The following SIK2 variants were observed in gnomAD, a reference collection of about 807,000 sequenced individuals.
SIK2 encodes salt inducible kinase 2, also known as serine/threonine-protein kinase SIK2.
A neutral mutation model predicts 103.2 loss-of-function variants in SIK2; 29 were observed. The ratio of observed to expected loss-of-function variants is 0.28; its 90% CI spans 0.21 to 0.38. The LOEUF (loss-of-function observed/expected upper bound fraction) is 0.38, where lower values mean the gene tolerates loss of function less well. Ranked by LOEUF, SIK2 falls within the 10% of genes least tolerant of loss-of-function variation. The pLI is 1.00. For missense variants in SIK2, 879 were observed against 1,171.0 expected (o/e 0.75, Z 3.64); for synonymous variants, 412 against 446.1 (o/e 0.92, Z 0.96).
At chr11:111,687,600 T>A (rs1942863011) in intron 3 of SIK2, among the ~76,000 whole-genome samples, 2 of 131,756 alleles carry the variant, frequency 1.5e-5, no homozygotes, top group South Asian at 4.7e-4. Context: ...TTATTGTTTT[T>A]TTTAAAAAAA....
At chr11:111,646,448 CTAAATAAA>C (rs899904438) in intron 3 of SIK2, among the ~76,000 whole-genome samples, 2 of 152,100 alleles carry the variant, frequency 1.3e-5, no homozygotes, top group East Asian at 1.9e-4. Context: ...AAACTCCTTT[CTAAATAAA>C]TAAATAAATA....
chr11:111,660,745 A>G (rs890153963), intron 3 of SIK2, among the ~76,000 whole-genome samples: 2 of 151,834 alleles, frequency 1.3e-5, no homozygotes, highest in African/African-American at 2.4e-5. Context: ...TTGCTTGGCC[A>G]CAATGACTGT....
chr11:111,693,812 G>C (rs1237113841), intron 4 of SIK2, among the ~76,000 whole-genome samples: 1 of 152,138 alleles, frequency 6.6e-6, no homozygotes, highest in Non-Finnish European at 1.5e-5. Context: ...TTCAGGAACA[G>C]ATTATAGGGA....
chr11:111,637,456 C>CTTTTTTTT (rs558690499), intron 3 of SIK2, among the ~76,000 whole-genome samples: 18 of 124,706 alleles, frequency 1.4e-4, no homozygotes, highest in African/African-American at 5.6e-4. Context: ...TTTGTAATAT[C>CTTTTTTTT]TTTTTTTTTT....
intron 3 of SIK2, among the ~76,000 whole-genome samples, chr11:111,666,223 T>C (rs1253405582): frequency 6.6e-6 from 1 of 152,232 alleles, no homozygotes; most frequent in African/African-American, 2.4e-5. Context: ...GTAGGGTTTC[T>C]GTTAAATTTT....
chr11:111,655,902 A>G (rs1404006157), intron 3 of SIK2, among the ~76,000 whole-genome samples: 3 of 151,802 alleles, frequency 2.0e-5, no homozygotes, highest in Admixed American at 2.0e-4. Context: ...GATTGAGAAG[A>G]CCAGGTGCAG....
At position 111,724,419 on chromosome 11, in the gene SIK2, T is replaced by G; in HGVS notation, c.*290T>G. On this transcript the variant is annotated 3_prime_UTR_variant, in exon 15 of 15. Transcript: ENST00000304987. The stretch of plus-strand genomic sequence containing the variant: ...AGGGCAGCACTGACAAATGTGTTCC[T>G]AAGAAGACATTCAGACCCAGGTGTT... 2.4e-6 allele frequency: 1 copy of G among 424,970 alleles called. No individual in the cohort carries two copies. The highest frequency in any genetic ancestry group is 4.3e-6 in the Non-Finnish European group (1 of 234,028). 26.3% of individuals were successfully genotyped at this position (424,970 alleles called of 1,614,324 possible). A position where few individuals can be genotyped will look rare whatever the true frequency, so the allele number is the denominator to read the frequency against.
chr11:111,717,395 A>C (rs934784823), intron 9 of SIK2, among the ~76,000 whole-genome samples: 2 of 151,756 alleles, frequency 1.3e-5, no homozygotes, highest in East Asian at 1.9e-4. Context: ...ACAATGAGAT[A>C]CTATCTCATG....
intron 3 of SIK2, among the ~76,000 whole-genome samples, chr11:111,621,622 T>C (rs114827328): frequency 2.6e-3 from 396 of 152,246 alleles, no homozygotes; most frequent in African/African-American, 8.9e-3. Flanking sequence ...GCATATAATA[T>C]AAGAACCTTG....
intron 4 of SIK2, among the ~76,000 whole-genome samples, chr11:111,694,278 T>C (rs188639654): frequency 6.6e-6 from 1 of 152,352 alleles, no homozygotes; most frequent in East Asian, 1.9e-4. Flanking sequence ...ACAAACCTTT[T>C]AGGACCAAGG....
At chr11:111,723,263 G>A (rs1363632352) in intron 14 of SIK2, among the ~76,000 whole-genome samples, 1 of 152,196 alleles carries the variant, frequency 6.6e-6, no homozygotes, top group Admixed American at 6.5e-5. Context: ...CTCGGAGTCA[G>A]AGAAAATGCA....
chr11:111,620,134 A>T (rs1325366766), intron 2 of SIK2, among the ~76,000 whole-genome samples: 1 of 152,234 alleles, frequency 6.6e-6, no homozygotes, highest in Non-Finnish European at 1.5e-5. Flanking sequence ...TGGTCCAAGG[A>T]CCACACTTAG....
intron 3 of SIK2, chr11:111,672,267 A>T: frequency 2.7e-6 from 1 of 375,998 alleles, no homozygotes; most frequent in Non-Finnish European, 4.9e-6. Context: ...CCACCCAGGA[A>T]GCTGCTGCTG....
At chr11:111,700,189 T>C (rs147367171) in intron 4 of SIK2, among the ~76,000 whole-genome samples, 21 of 152,322 alleles carry the variant, frequency 1.4e-4, no homozygotes, top group African/African-American at 4.8e-4. Context: ...ATCAAAACTG[T>C]AGAGTCAGTA....
intron 3 of SIK2, among the ~76,000 whole-genome samples, chr11:111,627,035 G>T (rs968180220): frequency 6.6e-6 from 1 of 152,148 alleles, no homozygotes; most frequent in African/African-American, 2.4e-5. Flanking sequence ...CTAAGAAGGC[G>T]GGAGGCACAG....
chr11:111,717,090 G>A (rs183239192), intron 9 of SIK2, among the ~76,000 whole-genome samples: 21 of 152,078 alleles, frequency 1.4e-4, no homozygotes, highest in South Asian at 1.0e-3. Flanking sequence ...TGAGGCAGGC[G>A]GATCACGAGG....
intron 3 of SIK2, among the ~76,000 whole-genome samples, chr11:111,663,441 C>T (rs1942493880): frequency 6.6e-6 from 1 of 151,988 alleles, no homozygotes; most frequent in Non-Finnish European, 1.5e-5. Flanking sequence ...GTGGGAGATG[C>T]AGGGAGGCGT....
intron 4 of SIK2, among the ~76,000 whole-genome samples, chr11:111,699,337 C>CT (rs1375236403): frequency 6.6e-6 from 1 of 152,146 alleles, no homozygotes; most frequent in African/African-American, 2.4e-5. Context: ...CTCCTATCTA[C>CT]TTTTTTGGGA....
At chr11:111,686,986 G>A (rs539547614) in intron 3 of SIK2, among the ~76,000 whole-genome samples, 1 of 152,168 alleles carries the variant, frequency 6.6e-6, no homozygotes, top group African/African-American at 2.4e-5. Flanking sequence ...CATGAAAACA[G>A]TGTTTCAGAA....
Sources: gnomAD v4.1 joint callset for allele counts (sites outside exome capture counted in the v4.1 genomes callset) on GRCh38, gnomAD v4.1.1 for gene constraint, MANE v1.5 for transcripts, NCBI Gene and HGNC (gene_info 2026-07-23, HGNC 2026-07-21) for gene names.